Variants in FOXP1 observed in about 807,000 individuals in gnomAD.
The protein encoded by FOXP1 is forkhead box protein P1.
Under a neutral mutation model 98.2 loss-of-function variants are expected in FOXP1, and 15 were observed. The observed-to-expected ratio is 0.15, with a 90% CI of 0.10 to 0.24. FOXP1 has a LOEUF of 0.24. Ranked by LOEUF, FOXP1 falls within the 10% of genes least tolerant of loss-of-function variation. The probability of loss-of-function intolerance (pLI) is 1.00; values close to 1 mark genes in which losing one functional copy is unlikely to be tolerated. For missense variants in FOXP1, 633 were observed against 848.5 expected (o/e 0.75, Z 3.15); for synonymous variants, 371 against 314.5 (o/e 1.18, Z -1.90).
At chr3:71,465,171 G>A (rs2088561340) in intron 3 of FOXP1, among the ~76,000 whole-genome samples, 3 of 152,042 alleles carry the variant, frequency 2.0e-5, no homozygotes, top group Non-Finnish European at 4.4e-5. Flanking sequence ...GCTGGGCGTG[G>A]TGGCACATGT....
At chr3:70,961,130 C>T (rs2033371709) in intron 20 of FOXP1, among the ~76,000 whole-genome samples, 1 of 151,970 alleles carries the variant, frequency 6.6e-6, no homozygotes, top group Non-Finnish European at 1.5e-5. Context: ...CTGCGCCCGG[C>T]TGCTAAAAAA....
chr3:71,423,896 C>A (rs1207307302), intron 3 of FOXP1, among the ~76,000 whole-genome samples: 1 of 152,154 alleles, frequency 6.6e-6, no homozygotes, highest in Non-Finnish European at 1.5e-5. Context: ...CTAAATATAC[C>A]CGCAAGTCCA....
At chr3:71,228,768 T>C (rs2066041312) in intron 5 of FOXP1, among the ~76,000 whole-genome samples, 1 of 152,218 alleles carries the variant, frequency 6.6e-6, no homozygotes, top group Admixed American at 6.5e-5. Context: ...CCGAGATTTA[T>C]GTAGCCAATT....
chr3:71,425,305 T>C (rs976483053), intron 3 of FOXP1, among the ~76,000 whole-genome samples: 3 of 152,156 alleles, frequency 2.0e-5, no homozygotes, highest in African/African-American at 7.2e-5. Context: ...GTTGTATTTT[T>C]AGTAGAGACA....
At chr3:71,369,747 T>C (rs945265494) in intron 3 of FOXP1, among the ~76,000 whole-genome samples, 1 of 152,168 alleles carries the variant, frequency 6.6e-6, no homozygotes, top group East Asian at 1.9e-4. Flanking sequence ...CCCGCCACTA[T>C]GTCTTCCAAG....
At chr3:70,966,922 G>A (rs1181719476) in intron 19 of FOXP1, among the ~76,000 whole-genome samples, 4 of 152,162 alleles carry the variant, frequency 2.6e-5, no homozygotes, top group South Asian at 2.1e-4. Context: ...AAATGCAGAC[G>A]CTAGTTACAT....
chr3:71,475,070 T>C (rs768324860), intron 3 of FOXP1, among the ~76,000 whole-genome samples: 4 of 152,126 alleles, frequency 2.6e-5, no homozygotes, highest in Non-Finnish European at 5.9e-5. Context: ...CTCCATCCTA[T>C]GGCTCCCACC....
At chr3:71,267,968 A>G (rs1292123028) in intron 5 of FOXP1, among the ~76,000 whole-genome samples, 1 of 148,454 alleles carries the variant, frequency 6.7e-6, no homozygotes, top group African/African-American at 2.5e-5. Context: ...CAGTGAGCTG[A>G]GATCACAGCA....
At chr3:71,575,571 T>C (rs928885277) in intron 2 of FOXP1, among the ~76,000 whole-genome samples, 2 of 152,132 alleles carry the variant, frequency 1.3e-5, no homozygotes, top group Non-Finnish European at 1.5e-5. Context: ...TTCACTTCCA[T>C]CTCTGTGCTC....
intron 20 of FOXP1, among the ~76,000 whole-genome samples, chr3:70,964,874 T>TTTTC (rs2034401354): frequency 6.6e-6 from 1 of 152,218 alleles, no homozygotes; most frequent in Non-Finnish European, 1.5e-5. Context: ...GATAACACTT[T>TTTTC]TTTCTTTGTC....
chr3:71,455,806 G>A lies in FOXP1; in HGVS notation c.-168+37620C>T, dbSNP rs182214715. On this transcript the variant is annotated intron_variant, in intron 3 of 20. Transcript: ENST00000649528. ...GAAAAGAGCTATTAGTGATAGTTACGGGTGGGTATGGGGTGACAGCCACAT... is the reference window on the plus strand; with the variant it reads ...GAAAAGAGCTATTAGTGATAGTTACAGGTGGGTATGGGGTGACAGCCACAT... Among the ~76,000 whole-genome samples, 43 of 152,312 alleles carry A rather than the reference G, an allele frequency of 2.8e-4. No homozygotes were observed. In the East Asian group the frequency reaches 7.5e-3, roughly 27 times the overall value.
chr3:70,968,364 T>TG (rs1491365393), intron 19 of FOXP1: 1 of 55,396 alleles, frequency 1.8e-5, no homozygotes, highest in East Asian at 3.4e-4. Context: ...TAACAAAGTG[T>TG]TTTTTTTTTT....
In FOXP1 at chr3:71,088,407, T is replaced by G. The variant is rs554238038; in HGVS notation, c.282+24129A>C. 1.6e-3 allele frequency among the ~76,000 whole-genome samples: 244 copies of G among 152,052 alleles called. 3 individuals are homozygous for G. The highest frequency in any genetic ancestry group is 0.014 in the Middle Eastern group (4 of 294). ...TACATTGTTTTGTTTTTTGTTTTTT[T>G]TTTTTTGGCTTACCAGTTTAATGTC... On this transcript the variant is annotated intron_variant, in intron 7 of 20. Transcript: ENST00000649528.
chr3:71,310,279 G>T (rs924339639), intron 4 of FOXP1, among the ~76,000 whole-genome samples: 2 of 152,198 alleles, frequency 1.3e-5, no homozygotes, highest in Admixed American at 6.5e-5. Flanking sequence ...TTTGAAGGCA[G>T]ATATAACAGA....
At chr3:70,979,300 A>AAAAAAAAAAAAAAAAG (rs2038310401) in intron 14 of FOXP1, among the ~76,000 whole-genome samples, 1 of 115,032 alleles carries the variant, frequency 8.7e-6, no homozygotes, top group Non-Finnish European at 2.0e-5. Flanking sequence ...AAAAAAAAAA[A>AAAAAAAAAAAAAAAAG]AAAAAAAAAA....
chr3:71,130,660 C>A (rs1382625539), intron 6 of FOXP1: 5 of 1,594,724 alleles, frequency 3.1e-6, no homozygotes, highest in Admixed American at 1.7e-5. Context: ...GAAGCACACT[C>A]GAAGAGAAAA....
intron 20 of FOXP1, 122 bp from the exon 21 acceptor site, chr3:70,959,513 T>C (rs941776079): frequency 3.9e-5 from 41 of 1,054,662 alleles, no homozygotes; most frequent in Non-Finnish European, 5.4e-5. Context: ...TCCAGTATTG[T>C]TACCATTAGC....
chr3:71,490,693 A>G (rs2091001964), intron 3 of FOXP1, among the ~76,000 whole-genome samples: 1 of 152,206 alleles, frequency 6.6e-6, no homozygotes. Flanking sequence ...CAAAACAGAT[A>G]TCATTTTCAT....
At chr3:71,559,238 G>T (rs539695907) in intron 2 of FOXP1, among the ~76,000 whole-genome samples, 1 of 152,200 alleles carries the variant, frequency 6.6e-6, no homozygotes, top group Non-Finnish European at 1.5e-5. Context: ...CCCCCACTCT[G>T]AACTGCCAGT....
Sources: gnomAD v4.1 joint callset for allele counts (sites outside exome capture counted in the v4.1 genomes callset) on GRCh38, gnomAD v4.1.1 for gene constraint, MANE v1.5 for transcripts, NCBI Gene and HGNC (gene_info 2026-07-23, HGNC 2026-07-21) for gene names.